Variants in KLHL3 observed in about 807,000 individuals in gnomAD.
KLHL3 encodes kelch like family member 3, also known as kelch-like protein 3.
Under a neutral mutation model 70.5 loss-of-function variants are expected in KLHL3, and 19 were observed. The observed-to-expected ratio is 0.27, with a 90% CI of 0.19 to 0.40. The LOEUF is 0.40. Among genes scored for constraint, KLHL3 ranks in the 10% least tolerant of loss-of-function variants. KLHL3 has a pLI of 1.00. For missense variants in KLHL3, 512 were observed against 771.1 expected, an observed-to-expected ratio of 0.66 and a Z score of 3.98; for synonymous variants, 258 against 290.3, an observed-to-expected ratio of 0.89 and a Z score of 1.13.
chr5:137,664,441 A>G (rs1751563292), intron 6 of KLHL3, among the ~76,000 whole-genome samples: 1 of 152,188 alleles, frequency 6.6e-6, no homozygotes, highest in South Asian at 2.1e-4. Flanking sequence ...AAATGCCTGT[A>G]AAAGGAATGA....
At chr5:137,723,005 A>T (rs1753026445) in intron 1 of KLHL3, among the ~76,000 whole-genome samples, 1 of 152,194 alleles carries the variant, frequency 6.6e-6, no homozygotes, top group African/African-American at 2.4e-5. Flanking sequence ...TGAAATAGGG[A>T]TCTAATTTTC....
chr5:137,706,453 G>A (rs914743703), intron 3 of KLHL3: 31 of 872,452 alleles, frequency 3.6e-5, no homozygotes, highest in South Asian at 1.1e-4. Context: ...TCTTGCTGAT[G>A]GGAGCATAAG....
At chr5:137,634,763 C>T (rs1580721150) in intron 11 of KLHL3, among the ~76,000 whole-genome samples, 1 of 152,224 alleles carries the variant, frequency 6.6e-6, no homozygotes, top group East Asian at 1.9e-4. Flanking sequence ...GATCTCTGAG[C>T]CATGCACAAG....
intron 8 of KLHL3, among the ~76,000 whole-genome samples, chr5:137,648,828 G>C (rs1349454980): frequency 6.6e-6 from 1 of 152,210 alleles, no homozygotes; most frequent in African/African-American, 2.4e-5. Flanking sequence ...TGCTCTGCCA[G>C]AAAGCCTATC....
intron 1 of KLHL3, chr5:137,720,840 T>C (rs1354871815): frequency 7.7e-6 from 10 of 1,295,082 alleles, no homozygotes; most frequent in Non-Finnish European, 9.8e-6. Context: ...GAGGTCCTTA[T>C]TCTCCATCTC....
chr5:137,697,355 G>A (rs1256424098), intron 4 of KLHL3, among the ~76,000 whole-genome samples: 2 of 152,096 alleles, frequency 1.3e-5, no homozygotes, highest in Admixed American at 6.5e-5. Context: ...GTAGAGACAG[G>A]GTTTCACTGT....
At chr5:137,663,169 G>GTCTCAGCCTCCCT (rs1200677913) in intron 6 of KLHL3, among the ~76,000 whole-genome samples, 2 of 146,326 alleles carry the variant, frequency 1.4e-5, no homozygotes, top group Non-Finnish European at 3.0e-5. Context: ...TGATTCTCCC[G>GTCTCAGCCTCCCT]TCTCAGCCTC....
intron 5 of KLHL3, among the ~76,000 whole-genome samples, chr5:137,684,819 C>A (rs1752123877): frequency 6.6e-6 from 1 of 152,220 alleles, no homozygotes; most frequent in Non-Finnish European, 1.5e-5. Flanking sequence ...GACTGTGATG[C>A]CACTAGCTAA....
chr5:137,637,216 C>T, intron 11 of KLHL3, 78 bp downstream of exon 11: 1 of 1,146,632 alleles, frequency 8.7e-7, no homozygotes, highest in Non-Finnish European at 1.3e-6. Context: ...GTAGAGGAAG[C>T]ACCAAGCATG....
Position 137,618,486 on chromosome 5 carries a change from G to A in KLHL3, c.*3612C>T, listed in dbSNP as rs990441319. 2.0e-5 allele frequency: 3 copies of A among 152,142 alleles called. No individual in the cohort carries two copies. Among genetic ancestry groups the A allele is most frequent in the African/African-American group, 4.8e-5 (2 of 41,426 alleles). The allele number at this position is 152,142 out of a possible 1,614,324, so 9.4% of individuals were successfully genotyped here. On this transcript the variant is annotated 3_prime_UTR_variant, in exon 15 of 15. Transcript: ENST00000309755. The stretch of plus-strand genomic sequence containing the variant: ...TATGCTTAACACACAGGGATCATGA[G>A]GATTGACCCCTCTTTTAAAGGTTAG...
chr5:137,706,105 G>A, intron 3 of KLHL3: 1 of 985,340 alleles, frequency 1.0e-6, no homozygotes, highest in Non-Finnish European at 1.2e-6. Flanking sequence ...AGAAGTGTGG[G>A]ATTGGTATTT....
At chr5:137,683,894 C>G (rs1264973837) in intron 5 of KLHL3, among the ~76,000 whole-genome samples, 1 of 152,070 alleles carries the variant, frequency 6.6e-6, no homozygotes, top group African/African-American at 2.4e-5. Flanking sequence ...GAAAATGGAA[C>G]AAGTGAAGTT....
intron 10 of KLHL3, 145 bp from the exon 11 acceptor site, chr5:137,637,540 G>A (rs1750799055): frequency 1.1e-5 from 7 of 664,818 alleles, no homozygotes; most frequent in Non-Finnish European, 1.9e-5. Flanking sequence ...TCACCATGCG[G>A]CCTGTGGCAA....
At chr5:137,647,378 T>G (rs573481079) in intron 8 of KLHL3, among the ~76,000 whole-genome samples, 1 of 152,108 alleles carries the variant, frequency 6.6e-6, no homozygotes, top group East Asian at 1.9e-4. Context: ...AAAGGGACAA[T>G]CCATGAAGAG....
intron 1 of KLHL3, among the ~76,000 whole-genome samples, chr5:137,735,149 C>T (rs1753240589): frequency 1.3e-5 from 2 of 152,214 alleles, no homozygotes; most frequent in African/African-American, 2.4e-5. Flanking sequence ...CGCGCACACA[C>T]ACAGCCATCA....
chr5:137,711,516 G>A (rs536025165), intron 2 of KLHL3, among the ~76,000 whole-genome samples: 72 of 152,312 alleles, frequency 4.7e-4, no homozygotes, highest in African/African-American at 1.5e-3. Context: ...ATAAAGTATC[G>A]TTAAGGAGGC....
chr5:137,691,863 C>T (rs1752331231), intron 5 of KLHL3, among the ~76,000 whole-genome samples: 1 of 152,104 alleles, frequency 6.6e-6, no homozygotes, highest in Non-Finnish European at 1.5e-5. Context: ...CATGACCCGC[C>T]TGCCTCAGCC....
intron 2 of KLHL3, among the ~76,000 whole-genome samples, chr5:137,713,759 T>C (rs10078851): frequency 0.45 from 67,988 of 152,080 alleles, 16,587 homozygotes; most frequent in African/African-American, 0.64. Context: ...GAATGAGAAA[T>C]AATTTTTTGC....
chr5:137,636,171 G>A lies in KLHL3; in HGVS notation c.1321+1123C>T, dbSNP rs535985656. On this transcript the variant is annotated intron_variant, in intron 11 of 14. Coordinates refer to ENST00000309755, the MANE Select transcript of KLHL3 (RefSeq NM_017415.3). ...TGCCCTCACATAGATGACTTATTTAGTATGTTAGAATAGTACACCTTTAAA... is the reference window on the plus strand; with the variant it reads ...TGCCCTCACATAGATGACTTATTTAATATGTTAGAATAGTACACCTTTAAA... Among the ~76,000 whole-genome samples the A allele has an allele frequency of 1.1e-4, 16 of 152,268 alleles. No individual in the cohort carries two copies. The South Asian group carries it at 2.7e-3, about 26-fold the overall frequency.
Sources: gnomAD v4.1 joint callset for allele counts (sites outside exome capture counted in the v4.1 genomes callset) on GRCh38, gnomAD v4.1.1 for gene constraint, MANE v1.5 for transcripts, NCBI Gene and HGNC (gene_info 2026-07-23, HGNC 2026-07-21) for gene names.